Variants in TMEM164 observed in about 807,000 individuals in gnomAD.
TMEM164 encodes the protein RP13-360B22.2.
In TMEM164, 4 loss-of-function variants were observed where a neutral mutation model predicts 18.8. That is an observed-to-expected ratio of 0.21 (90% CI 0.10 to 0.49). The LOEUF (loss-of-function observed/expected upper bound fraction) is 0.49, where lower values mean the gene tolerates loss of function less well. Ranked by LOEUF, TMEM164 falls within the 20% of genes least tolerant of loss-of-function variation. The probability of loss-of-function intolerance (pLI) is 0.98; values close to 1 mark genes in which losing one functional copy is unlikely to be tolerated. For synonymous variants in TMEM164, 86 were observed against 101.7 expected (o/e 0.85, Z 0.93); for missense variants, 108 against 239.9 (o/e 0.45, Z 3.63).
At chrX:110,104,083 A>G (rs1387142258) in intron 3 of TMEM164, among the ~76,000 whole-genome samples, 3 of 112,315 alleles carry the variant, frequency 2.7e-5, no homozygotes, top group Non-Finnish European at 5.6e-5. Context: ...AGTGTATTTT[A>G]TAGTTTACTA....
In TMEM164 at chrX:110,003,487, C is replaced by A; in HGVS notation, c.-274-14C>A. On this transcript the variant is annotated splice_polypyrimidine_tract_variant and intron_variant, in intron 1 of 6. Coordinates refer to ENST00000372068, the MANE Select transcript of TMEM164 (RefSeq NM_032227.4). ...GAGACCTCTTTTTTTTTTTTTTCCT[C>A]TCCTTCCTTTTAGATTGGCCAACGG... 1 of 233,894 alleles carries A rather than the reference C, an allele frequency of 4.3e-6. No individual in the cohort carries two copies. Among genetic ancestry groups the A allele is most frequent in the Non-Finnish European group, 7.6e-6 (1 of 132,352 alleles). 19.3% of individuals were successfully genotyped at this position (233,894 alleles called of 1,213,427 possible).
At chrX:110,166,047 A>C (rs2067155006) in intron 5 of TMEM164, among the ~76,000 whole-genome samples, 1 of 112,255 alleles carries the variant, frequency 8.9e-6, no homozygotes, top group Non-Finnish European at 1.9e-5. Context: ...TTCATGACCC[A>C]GCCTCACCTG....
chrX:110,157,857 T>A, intron 5 of TMEM164, among the ~76,000 whole-genome samples: 1 of 111,462 alleles, frequency 9.0e-6, no homozygotes, highest in East Asian at 2.8e-4. Context: ...GTTAATTAAT[T>A]TGAATTGAAA....
chrX:110,031,359 A>C (rs1934497673), intron 2 of TMEM164, among the ~76,000 whole-genome samples: 2 of 111,919 alleles, frequency 1.8e-5, no homozygotes, highest in South Asian at 7.4e-4. Flanking sequence ...TCACTCTATC[A>C]CTCAGGCTTG....
rs1485376674 is a variant in TMEM164, at chrX:110,176,082, G to A, written c.*2631G>A. On this transcript the variant is annotated 3_prime_UTR_variant, in exon 7 of 7. Transcript: ENST00000372068. ...AAGCCAGTTCCCCAGCCAGGTTTCC[G>A]TGTGCCATTTGCCAGCGTGTGGGAG... 12 of 755,424 alleles carry A rather than the reference G, an allele frequency of 1.6e-5. No homozygotes were observed. The highest frequency in any genetic ancestry group is 3.0e-4 in the East Asian group (2 of 6,629). 62.3% of individuals were successfully genotyped at this position (755,424 alleles called of 1,213,427 possible). A position where few individuals can be genotyped will look rare whatever the true frequency, so the allele number is the denominator to read the frequency against.
At chrX:110,131,819 C>T (rs986331043) in intron 4 of TMEM164, among the ~76,000 whole-genome samples, 2 of 112,048 alleles carry the variant, frequency 1.8e-5, no homozygotes, top group African/African-American at 6.5e-5. Flanking sequence ...GAAACACCAT[C>T]TTGTATACTC....
At chrX:110,182,362 T>C (rs955781742), downstream of TMEM164, 3 of 111,818 alleles carry the variant, frequency 2.7e-5, no homozygotes, top group African/African-American at 9.8e-5. Flanking sequence ...ACCCACTTTG[T>C]TGAGCTCTCT....
chrX:110,114,433 A>G (rs185352763), intron 4 of TMEM164, among the ~76,000 whole-genome samples: 120 of 112,026 alleles, frequency 1.1e-3, no homozygotes, highest in African/African-American at 3.7e-3. Context: ...TTCCTTATCT[A>G]TACCCGTGAC....
chrX:110,095,062 T>G lies in TMEM164; in HGVS notation c.441-14018T>G, dbSNP rs1487269038. 1.7e-4 allele frequency among the ~76,000 whole-genome samples: 19 copies of G among 112,423 alleles called. No homozygotes were observed. In the East Asian group the frequency reaches 2.2e-3, roughly 13 times the overall value. On this transcript the variant is annotated intron_variant, in intron 3 of 6. Coordinates refer to ENST00000372068, the MANE Select transcript of TMEM164 (RefSeq NM_032227.4). Reference sequence around the variant, plus strand: ...CCGCAAGATCTGCTGTTAGTCTGATTGGCTTCCCTTTGTGGGTAACCCGAC... The same window carrying G: ...CCGCAAGATCTGCTGTTAGTCTGATGGGCTTCCCTTTGTGGGTAACCCGAC...
chrX:110,115,186 A>C (rs1205062633), intron 4 of TMEM164, among the ~76,000 whole-genome samples: 9 of 112,136 alleles, frequency 8.0e-5, no homozygotes, highest in African/African-American at 2.6e-4. Flanking sequence ...ATAGGCTTGA[A>C]AATCTCACTC....
intron 4 of TMEM164, among the ~76,000 whole-genome samples, chrX:110,112,677 G>A (rs1466996174): frequency 1.8e-5 from 2 of 111,910 alleles, no homozygotes; most frequent in South Asian, 3.7e-4. Flanking sequence ...ATCACAGTGC[G>A]CCAGCAAGGT....
intron 4 of TMEM164, among the ~76,000 whole-genome samples, chrX:110,113,092 G>C (rs953949073): frequency 1.8e-5 from 2 of 111,116 alleles, no homozygotes; most frequent in African/African-American, 6.6e-5. Flanking sequence ...CAGATGTGCT[G>C]GTGTATCTGT....
chrX:110,120,677 G>A (rs376261375), intron 4 of TMEM164, among the ~76,000 whole-genome samples: 41 of 111,152 alleles, frequency 3.7e-4, no homozygotes, highest in African/African-American at 1.3e-3. Flanking sequence ...CACCCTACAT[G>A]GCTATAGGAC....
intron 2 of TMEM164, among the ~76,000 whole-genome samples, chrX:110,053,731 A>G (rs1176627224): frequency 9.0e-6 from 1 of 111,536 alleles, no homozygotes; most frequent in Non-Finnish European, 1.9e-5. Flanking sequence ...ACGAGTTTCA[A>G]GGTAACCAGG....
intron 5 of TMEM164, among the ~76,000 whole-genome samples, chrX:110,162,210 C>G (rs1035767127): frequency 1.8e-5 from 2 of 112,983 alleles, no homozygotes; most frequent in African/African-American, 6.4e-5. Flanking sequence ...TAAGGTCACA[C>G]AGCAGCTTGG....
intron 2 of TMEM164, among the ~76,000 whole-genome samples, chrX:110,040,603 A>C (rs1487911988): frequency 8.9e-6 from 1 of 111,869 alleles, no homozygotes; most frequent in African/African-American, 3.2e-5. Context: ...AAAAGAACTG[A>C]ATGAATCTTT....
intron 3 of TMEM164, among the ~76,000 whole-genome samples, chrX:110,084,447 T>C (rs986005655): frequency 2.9e-4 from 5 of 17,073 alleles, no homozygotes. Context: ...ATATATAGTA[T>C]ATATATATAT....
intron 5 of TMEM164, among the ~76,000 whole-genome samples, chrX:110,154,403 C>A (rs1002629978): frequency 9.0e-6 from 1 of 111,060 alleles, no homozygotes; most frequent in African/African-American, 3.3e-5. Flanking sequence ...GGTTAGGAGT[C>A]CCTTTACTAG....
chrX:110,079,776 TTCA>T (rs1271815437), intron 3 of TMEM164, among the ~76,000 whole-genome samples: 3 of 106,626 alleles, frequency 2.8e-5, no homozygotes, highest in African/African-American at 1.0e-4. Flanking sequence ...CACTGCAGGC[TTCA>T]TCATCAACAT....
Sources: allele counts gnomAD v4.1 joint callset (sites outside exome capture counted in the v4.1 genomes callset), GRCh38; gene constraint gnomAD v4.1.1; transcripts MANE v1.5; gene names NCBI Gene and HGNC (gene_info 2026-07-23, HGNC 2026-07-21).